Variants in DNAH10 observed in about 807,000 individuals in gnomAD.
The protein encoded by DNAH10 is dynein axonemal heavy chain 10, also known as axonemal beta dynein heavy chain 10.
A neutral mutation model predicts 506.6 loss-of-function variants in DNAH10; 348 were observed. That is an observed-to-expected ratio of 0.69 (90% CI 0.63 to 0.75). The LOEUF is 0.75. Among genes scored for constraint, DNAH10 ranks in the 30% least tolerant of loss-of-function variants. The pLI, the probability that DNAH10 is intolerant of heterozygous loss-of-function variation, is 0.00. For synonymous variants in DNAH10, 2,059 were observed against 2,198.6 expected (o/e 0.94, Z 1.78); for missense variants, 5,179 against 5,787.1 (o/e 0.89, Z 3.41).
chr12:123,884,535 A>G (rs1197079487), intron 51 of DNAH10, among the ~76,000 whole-genome samples: 1 of 152,166 alleles, frequency 6.6e-6, no homozygotes, highest in Non-Finnish European at 1.5e-5. Flanking sequence ...TTCTCATGGC[A>G]TTCTTACATG....
At chr12:123,914,595 A>G (rs761469910) in intron 61 of DNAH10, 45 bp downstream of exon 61, 1 of 1,580,634 alleles carries the variant, frequency 6.3e-7, no homozygotes, top group South Asian at 1.2e-5. Context: ...ACACCTTAGC[A>G]CAGGGGGTCT....
intron 52 of DNAH10, among the ~76,000 whole-genome samples, chr12:123,890,345 A>G (rs544884345): frequency 2.0e-4 from 31 of 151,796 alleles, no homozygotes; most frequent in African/African-American, 7.2e-4. Flanking sequence ...ATCATAGCTC[A>G]TTGTAGCTTC....
intron 73 of DNAH10, 52 bp from the exon 74 acceptor site, chr12:123,931,289 G>A (rs1051338292): frequency 1.2e-6 from 2 of 1,600,980 alleles, no homozygotes; most frequent in Non-Finnish European, 8.5e-7. Flanking sequence ...TGGGCCCTGA[G>A]AAAGCACAGG....
In DNAH10 at chr12:123,931,348, C is replaced by T. The variant is rs765471798; in HGVS notation, c.12792C>T (p.Ile4264=). The T allele has an allele frequency of 2.0e-5, 33 of 1,613,502 alleles. No individual in the cohort carries two copies. The highest frequency in any genetic ancestry group is 1.9e-4 in the African/African-American group (14 of 74,924). Residue 4264 remains isoleucine (I), a synonymous_variant, in exon 74 of 79, where the codon ATC becomes ATT. Coordinates refer to ENST00000673944, the MANE Select transcript of DNAH10 (RefSeq NM_001372106.1). The stretch of plus-strand genomic sequence containing the variant: ...TGTTCTCTGTGATTGCAGAAGCCAT[C>T]GAGGCCCTCCCGCTTGCCAACACGC... ...GDEKEKFVEA[I]EALPLANTPE...
chr12:123,838,117 A>G (rs886304173), intron 28 of DNAH10, among the ~76,000 whole-genome samples: 1 of 152,122 alleles, frequency 6.6e-6, no homozygotes, highest in Non-Finnish European at 1.5e-5. Flanking sequence ...GCAAGTGTTG[A>G]ATGGGCGCCT....
At position 123,853,165 on chromosome 12, in the gene DNAH10, C is replaced by A. The variant is rs372134980; in HGVS notation, c.6292-41C>A. ...TGCTCCATTGCTTTTGAATCATTTT[C>A]TTTTTTCTTTTTTTTTGTATTATTA... On this transcript the variant is annotated intron_variant, in intron 35 of 78. Transcript: ENST00000673944. This position sits in a 1 kb window ranked among gnomAD's most constrained non-coding sequence, Gnocchi z 4.7. 1.7e-4 allele frequency: 260 copies of A among 1,493,446 alleles called. 1 individual carries two copies. Among genetic ancestry groups the A allele is most frequent in the Middle Eastern group, 8.9e-4 (5 of 5,596 alleles). 92.5% of individuals were successfully genotyped at this position (1,493,446 alleles called of 1,614,324 possible).
intron 76 of DNAH10, among the ~76,000 whole-genome samples, 173 bp from the exon 77 acceptor site, chr12:123,933,158 G>A (rs1955298170): frequency 6.6e-6 from 1 of 152,228 alleles, no homozygotes; most frequent in Admixed American, 6.5e-5. Flanking sequence ...GATCTACCTG[G>A]AATGTGGCAG....
Position 123,814,453 on chromosome 12 carries a change from G to T in DNAH10, c.3780+541G>T, listed in dbSNP as rs185694588. Among the ~76,000 whole-genome samples, 790 of 152,228 alleles carry T rather than the reference G, an allele frequency of 5.2e-3. 27 individuals carry two copies. Among genetic ancestry groups the T allele is most frequent in the Admixed American group, 0.047 (721 of 15,280 alleles). On this transcript the variant is annotated intron_variant, in intron 21 of 78. Coordinates refer to ENST00000673944, the MANE Select transcript of DNAH10 (RefSeq NM_001372106.1). ...GGTCTACTGCTCAGCAAGGGCATTT[G>T]TGAGCTCCACATCCTAACCACTAGG...
chr12:123,844,430 C>A (rs889478477), intron 30 of DNAH10, among the ~76,000 whole-genome samples: 4 of 152,150 alleles, frequency 2.6e-5, no homozygotes, highest in Non-Finnish European at 4.4e-5. Flanking sequence ...CAATCACAAG[C>A]TTTGTAAGTT....
In DNAH10 at chr12:123,853,368, T is replaced by G; in HGVS notation, c.6438+16T>G. On this transcript the variant is annotated intron_variant, in intron 36 of 78. Coordinates refer to ENST00000673944, the MANE Select transcript of DNAH10 (RefSeq NM_001372106.1). The surrounding 1 kb of genome is among the most constrained non-coding windows in gnomAD (Gnocchi z 4.7). ...CCTTAGGGAGGTAGGGGCCACGTGC[T>G]GGAACATTCTCTGGTTTCAGCTGCT... 1.9e-6 allele frequency: 3 copies of G among 1,606,378 alleles called. No homozygotes were observed. The highest frequency in any genetic ancestry group is 2.5e-6 in the Non-Finnish European group (3 of 1,176,486).
At chr12:123,789,001 G>A (rs1034710217) in intron 10 of DNAH10, among the ~76,000 whole-genome samples, 4 of 151,804 alleles carry the variant, frequency 2.6e-5, no homozygotes, top group Non-Finnish European at 5.9e-5. Context: ...TGTAATCCCA[G>A]CACTTTGGGA....
chr12:123,848,175 C>A, intron 33 of DNAH10, 80 bp downstream of exon 33: 1 of 1,534,506 alleles, frequency 6.5e-7, no homozygotes, highest in South Asian at 1.2e-5. Flanking sequence ...ACCTCCTAGT[C>A]TTTGACATGG....
chr12:123,783,662 G>A lies in DNAH10; in HGVS notation c.1000-285G>A, dbSNP rs113392423. On this transcript the variant is annotated intron_variant, in intron 7 of 78. Transcript: ENST00000673944. Reference sequence around the variant, plus strand: ...TCTCTCAGTTCTAGACCCCTTTCTAGGGGCTGGAGAGCTTCATTCCTCAGG... The same window carrying A: ...TCTCTCAGTTCTAGACCCCTTTCTAAGGGCTGGAGAGCTTCATTCCTCAGG... Among the ~76,000 whole-genome samples the A allele has an allele frequency of 4.4e-3, 673 of 152,330 alleles. 11 individuals are homozygous for A. Among genetic ancestry groups the A allele is most frequent in the African/African-American group, 0.015 (637 of 41,574 alleles).
At chr12:123,820,243 T>C (rs1959249796) in intron 23 of DNAH10, among the ~76,000 whole-genome samples, 1 of 151,748 alleles carries the variant, frequency 6.6e-6, no homozygotes, top group African/African-American at 2.4e-5. Context: ...GAAGTTAGAG[T>C]GGTAAGGGAG....
chr12:123,921,072 C>T (rs146379753), intron 65 of DNAH10, among the ~76,000 whole-genome samples: 2 of 152,170 alleles, frequency 1.3e-5, no homozygotes, highest in African/African-American at 4.8e-5. Flanking sequence ...CGTGTCTGCC[C>T]CACCCCTTGC....
chr12:123,924,954 C>G, intron 67 of DNAH10, 96 bp from the exon 68 acceptor site: 1 of 1,509,826 alleles, frequency 6.6e-7, no homozygotes, highest in South Asian at 1.3e-5. Flanking sequence ...TATGGATTCT[C>G]GTCCCTTTCC....
intron 3 of DNAH10, among the ~76,000 whole-genome samples, chr12:123,772,400 TTG>T: frequency 6.6e-6 from 1 of 152,314 alleles, no homozygotes; most frequent in South Asian, 2.1e-4. Flanking sequence ...CTGAAGACGT[TTG>T]GCATGTGTGG....
intron 54 of DNAH10, among the ~76,000 whole-genome samples, chr12:123,896,115 A>G (rs961348944): frequency 1.2e-5 from 1 of 85,434 alleles, no homozygotes; most frequent in Non-Finnish European, 2.3e-5. Flanking sequence ...TTTATCTCAC[A>G]CACACACACA....
At position 123,871,444 on chromosome 12, in the gene DNAH10, A is replaced by T. The variant is rs1483224701; in HGVS notation, c.7640-13A>T. 1 of 1,585,210 alleles carries T rather than the reference A, an allele frequency of 6.3e-7. No individual in the cohort carries two copies. The highest frequency in any genetic ancestry group is 1.2e-5 in the South Asian group (1 of 86,838). On this transcript the variant is annotated splice_polypyrimidine_tract_variant and intron_variant, in intron 44 of 78. Transcript: ENST00000673944. ...AGTTGCTGAGATGCCCCTGTTCCTAATGTCTACTTTAGTTCACACAGTGGA... is the reference window on the plus strand; with the variant it reads ...AGTTGCTGAGATGCCCCTGTTCCTATTGTCTACTTTAGTTCACACAGTGGA...
Sources: gnomAD v4.1 joint callset for allele counts (sites outside exome capture counted in the v4.1 genomes callset) on GRCh38, gnomAD v4.1.1 for gene constraint, Gnocchi (gnomAD v3.1) non-coding constraint, MANE v1.5 for transcripts, NCBI Gene and HGNC (gene_info 2026-07-23, HGNC 2026-07-21) for gene names.